The following DPP6 variants were observed in gnomAD, a reference collection of about 807,000 sequenced individuals.
DPP6 encodes dipeptidyl peptidase like 6, also known as A-type potassium channel modulatory protein DPP6.
A neutral mutation model predicts 122.6 loss-of-function variants in DPP6; 69 were observed. That is an observed-to-expected ratio of 0.56 (90% CI 0.46 to 0.69). DPP6 has a LOEUF of 0.69. Ranked by LOEUF, DPP6 falls within the 30% of genes least tolerant of loss-of-function variation. The pLI, the probability that DPP6 is intolerant of heterozygous loss-of-function variation, is 0.00. For missense variants in DPP6, 928 were observed against 1,116.9 expected (o/e 0.83, Z 2.41); for synonymous variants, 418 against 433.1 (o/e 0.97, Z 0.43).
chr7:154,233,201 G>A (rs1411094698), intron 1 of DPP6, among the ~76,000 whole-genome samples: 1 of 152,210 alleles, frequency 6.6e-6, no homozygotes, highest in Non-Finnish European at 1.5e-5. Context: ...AGAAAGGGAA[G>A]CACTTCTGCC....
chr7:154,604,739 A>G lies in DPP6; in HGVS notation c.628-33082A>G, dbSNP rs1321158253. Among the ~76,000 whole-genome samples the G allele has an allele frequency of 3.3e-5, 4 of 121,112 alleles. 1 individual carries two copies. Among genetic ancestry groups the G allele is most frequent in the African/African-American group, 1.0e-4 (4 of 38,154 alleles). The allele number at this position is 121,112 out of a possible 152,430, so 79.5% of individuals were successfully genotyped here. On this transcript the variant is annotated intron_variant, in intron 5 of 25. Transcript: ENST00000377770. ...GAAATGCTAAAGACTCATTAGTAGG[A>G]ATCTTGTATATAGTGAAGTTACCAT...
chr7:154,526,706 C>G (rs1251890619), intron 3 of DPP6, among the ~76,000 whole-genome samples: 2 of 152,172 alleles, frequency 1.3e-5, no homozygotes, highest in Non-Finnish European at 2.9e-5. Context: ...GAATTAATGT[C>G]AGCTTTCTAA....
At chr7:154,425,313 A>C (rs1174466034) in intron 1 of DPP6, among the ~76,000 whole-genome samples, 1 of 152,240 alleles carries the variant, frequency 6.6e-6, no homozygotes, top group Non-Finnish European at 1.5e-5. Context: ...AGATACTCCT[A>C]AAGTGGATTT....
intron 1 of DPP6, among the ~76,000 whole-genome samples, chr7:154,359,131 C>T (rs1463512588): frequency 6.6e-6 from 1 of 152,228 alleles, no homozygotes; most frequent in Non-Finnish European, 1.5e-5. Flanking sequence ...CATAGAAGGA[C>T]AGAACAAAAG....
At chr7:154,648,267 TAA>T (rs35397756) in intron 6 of DPP6, among the ~76,000 whole-genome samples, 22,099 of 139,844 alleles carry the variant, frequency 0.16, 1,903 homozygotes, top group African/African-American at 0.26. Context: ...AAACTCTGTC[TAA>T]AAAAAAAAAA....
chr7:153,891,489 A>T (rs919271153), intron 1 of DPP6, among the ~76,000 whole-genome samples: 5 of 152,070 alleles, frequency 3.3e-5, no homozygotes, highest in Non-Finnish European at 5.9e-5. Flanking sequence ...AATAGCTGTT[A>T]TTTTTTCCAT....
At chr7:154,531,279 A>T (rs1425961072) in intron 3 of DPP6, among the ~76,000 whole-genome samples, 1 of 152,216 alleles carries the variant, frequency 6.6e-6, no homozygotes, top group Non-Finnish European at 1.5e-5. Context: ...TAAAGGCACC[A>T]AAAGAAAAAT....
chr7:154,884,303 C>G (rs1303588011), intron 21 of DPP6: 1 of 125,998 alleles, frequency 7.9e-6, no homozygotes, highest in Admixed American at 8.5e-5. Flanking sequence ...TGATTACATA[C>G]ACCTACTCAC....
At chr7:154,849,218 T>C (rs1802187034) in intron 16 of DPP6, among the ~76,000 whole-genome samples, 1 of 152,214 alleles carries the variant, frequency 6.6e-6, no homozygotes, top group African/African-American at 2.4e-5. Flanking sequence ...CTATGAAGAA[T>C]GACTGAAATT....
At chr7:154,013,458 C>CTTTTCTT (rs1554434172) in intron 1 of DPP6, among the ~76,000 whole-genome samples, 176 of 127,328 alleles carry the variant, frequency 1.4e-3, no homozygotes, top group African/African-American at 4.3e-3. Context: ...GGTTTCTTTT[C>CTTTTCTT]TTTTTTTTTT....
intron 15 of DPP6, among the ~76,000 whole-genome samples, chr7:154,806,539 G>C (rs1798708567): frequency 6.6e-6 from 1 of 152,220 alleles, no homozygotes; most frequent in African/African-American, 2.4e-5. Context: ...TGCTGCTGGA[G>C]CCCCTGCCTG....
intron 1 of DPP6, among the ~76,000 whole-genome samples, chr7:154,382,073 C>CTTTT (rs55970006): frequency 7.6e-6 from 1 of 130,850 alleles, no homozygotes; most frequent in Non-Finnish European, 1.6e-5. Flanking sequence ...TTTTTTTTTC[C>CTTTT]TTTTTTTTTT....
the DPP6 span, among the ~76,000 whole-genome samples, chr7:153,817,821 A>G: frequency 2.3e-4 from 35 of 151,636 alleles, no homozygotes; most frequent in South Asian, 7.4e-3. Context: ...ATGCTAAATG[A>G]CAAGTTAATG....
intron 1 of DPP6, among the ~76,000 whole-genome samples, chr7:154,413,981 G>A (rs965529992): frequency 1.3e-5 from 2 of 152,128 alleles, no homozygotes; most frequent in African/African-American, 4.8e-5. Flanking sequence ...TTGAGAATAA[G>A]TGAAGCATGG....
chr7:154,431,298 G>A (rs1196643030), intron 1 of DPP6, among the ~76,000 whole-genome samples: 1 of 151,956 alleles, frequency 6.6e-6, no homozygotes, highest in Non-Finnish European at 1.5e-5. Context: ...GACCCACCCT[G>A]CTTCCCTGCG....
At chr7:154,522,252 G>C (rs1329191863) in intron 3 of DPP6, among the ~76,000 whole-genome samples, 2 of 152,186 alleles carry the variant, frequency 1.3e-5, no homozygotes, top group Non-Finnish European at 2.9e-5. Context: ...AGGATTACAA[G>C]CGTGAGCCAC....
chr7:154,318,479 C>T (rs1807631140), intron 1 of DPP6, among the ~76,000 whole-genome samples: 1 of 152,172 alleles, frequency 6.6e-6, no homozygotes, highest in South Asian at 2.1e-4. Context: ...TTCCAGCCCC[C>T]AAATACCAAG....
intron 1 of DPP6, among the ~76,000 whole-genome samples, chr7:153,895,104 A>G (rs1362590750): frequency 7.9e-5 from 12 of 152,234 alleles, no homozygotes; most frequent in Admixed American, 3.9e-4. Context: ...AAGAATCTTT[A>G]AAGAAATTCA....
intron 1 of DPP6, among the ~76,000 whole-genome samples, chr7:154,304,045 C>A (rs1003830034): frequency 5.3e-5 from 8 of 152,208 alleles, no homozygotes; most frequent in African/African-American, 1.9e-4. Context: ...CACAGAGATG[C>A]AAAGACTAGA....
Sources: gnomAD v4.1 joint callset for allele counts (sites outside exome capture counted in the v4.1 genomes callset) on GRCh38, gnomAD v4.1.1 for gene constraint, MANE v1.5 for transcripts, NCBI Gene and HGNC (gene_info 2026-07-23, HGNC 2026-07-21) for gene names.